The following ANKRD30A variants were observed in gnomAD, a reference collection of about 807,000 sequenced individuals.
ANKRD30A encodes ankyrin repeat domain-containing protein 30A.
In ANKRD30A, 170 loss-of-function variants were observed where a neutral mutation model predicts 166.3. That is an observed-to-expected ratio of 1.02 (90% confidence interval 0.90 to 1.16). The LOEUF (loss-of-function observed/expected upper bound fraction) is 1.16. ANKRD30A is among the 50% of genes most tolerant of loss of function. ANKRD30A has a pLI of 0.00. For missense variants in ANKRD30A, 1,630 were observed against 1,518.0 expected (o/e 1.07, Z -1.23); for synonymous variants, 564 against 508.9 (o/e 1.11, Z -1.46).
intron 31 of ANKRD30A, 150 bp from the exon 32 acceptor site, chr10:37,216,031 C>G: frequency 1.2e-3 from 333 of 273,134 alleles, no homozygotes; most frequent in Middle Eastern, 4.7e-3. Context: ...TTTTTTTTTT[C>G]TGTTTAATCT....
rs71007622 is a variant in ANKRD30A at position 37,127,046 on chromosome 10, C to CAAAAAAA, written c.221+1071_221+1077dup. Reference sequence around the variant, plus strand: ...TAGGTGATAGAGTGAAACTCTGTCTCAAAAAAAAAAAAAAAAAAAAAAAAA... The same window carrying CAAAAAAA: ...TAGGTGATAGAGTGAAACTCTGTCTCAAAAAAAAAAAAAAAAAAAAAAAAAAAAAAAA... On this transcript the variant is annotated intron_variant, in intron 1 of 35. Coordinates refer to ENST00000361713, the MANE Select transcript of ANKRD30A (RefSeq NM_052997.3). Among the ~76,000 whole-genome samples the CAAAAAAA allele has an allele frequency of 6.7e-3, 110 of 16,494 alleles. 17 individuals carry two copies. Among genetic ancestry groups the CAAAAAAA allele is most frequent in the South Asian group, 0.02 (3 of 150 alleles). The allele number at this position is 16,494 out of a possible 152,430, so 10.8% of individuals were successfully genotyped here. A position where few individuals can be genotyped will look rare whatever the true frequency, so the allele number is the denominator to read the frequency against.
At chr10:37,208,086 G>A (rs1842086720) in intron 31 of ANKRD30A, among the ~76,000 whole-genome samples, 2 of 152,056 alleles carry the variant, frequency 1.3e-5, no homozygotes, top group Admixed American at 1.3e-4. Context: ...AAATTCATAC[G>A]AGCTCTTTAT....
chr10:37,255,354 T>C, the ANKRD30A span, among the ~76,000 whole-genome samples: 1 of 152,112 alleles, frequency 6.6e-6, no homozygotes, highest in African/African-American at 2.4e-5. Flanking sequence ...AAGCCCAGAT[T>C]TCACTCCTAC....
chr10:37,158,719 G>GTGAGTATT (rs1838586950), intron 15 of ANKRD30A, 133 bp downstream of exon 15: 1 of 1,343,928 alleles, frequency 7.4e-7, no homozygotes, highest in East Asian at 2.5e-5. Context: ...TAATGCCAAT[G>GTGAGTATT]TGAGTATTTC....
intron 30 of ANKRD30A, among the ~76,000 whole-genome samples, chr10:37,200,492 C>T (rs1841531655): frequency 6.6e-6 from 1 of 152,004 alleles, no homozygotes; most frequent in African/African-American, 2.4e-5. Flanking sequence ...AAGTATCTGA[C>T]CTCTTAGAAA....
At chr10:37,244,683 G>A in the ANKRD30A span, among the ~76,000 whole-genome samples, 2 of 152,160 alleles carry the variant, frequency 1.3e-5, no homozygotes, top group Non-Finnish European at 2.9e-5. Flanking sequence ...GTGCCAAGCT[G>A]CCCTTTTACA....
the ANKRD30A span, among the ~76,000 whole-genome samples, chr10:37,240,344 T>G: frequency 6.6e-6 from 1 of 152,074 alleles, no homozygotes; most frequent in Admixed American, 6.6e-5. Context: ...CTTCTCAAGG[T>G]TATGGTAGTG....
chr10:37,159,553 A>T (rs1003550072), intron 15 of ANKRD30A, among the ~76,000 whole-genome samples: 3 of 152,164 alleles, frequency 2.0e-5, no homozygotes, highest in African/African-American at 7.2e-5. Flanking sequence ...CACAACATGT[A>T]TGTGGTTATA....
At chr10:37,244,369 C>G in the ANKRD30A span, among the ~76,000 whole-genome samples, 1 of 152,276 alleles carries the variant, frequency 6.6e-6, no homozygotes, top group Non-Finnish European at 1.5e-5. Context: ...ATGTACAGAA[C>G]TTTGGGATGT....
intron 31 of ANKRD30A, among the ~76,000 whole-genome samples, chr10:37,202,677 CA>C (rs1841720100): frequency 6.6e-6 from 1 of 151,984 alleles, no homozygotes; most frequent in East Asian, 1.9e-4. Context: ...AAAAATCCTT[CA>C]AAAAATCAAT....
chr10:37,263,030 ATTGT>A, the ANKRD30A span, among the ~76,000 whole-genome samples: 1 of 152,096 alleles, frequency 6.6e-6, no homozygotes, highest in Non-Finnish European at 1.5e-5. Context: ...CAACAAAATT[ATTGT>A]TTATGATTAA....
At chr10:37,220,520 T>G (rs974709570) in intron 34 of ANKRD30A, among the ~76,000 whole-genome samples, 1 of 151,214 alleles carries the variant, frequency 6.6e-6, no homozygotes, top group African/African-American at 2.4e-5. Flanking sequence ...TTATGTATTG[T>G]TATAACCTCA....
chr10:37,232,679 T>C (rs1425101782), downstream of ANKRD30A: 7 of 7,420 alleles, frequency 9.4e-4, no homozygotes, highest in African/African-American at 1.1e-3. Flanking sequence ...TATATATATA[T>C]ATATATATAT....
intron 29 of ANKRD30A, among the ~76,000 whole-genome samples, chr10:37,199,344 C>T (rs1010716519): frequency 6.6e-5 from 10 of 151,700 alleles, no homozygotes; most frequent in East Asian, 5.8e-4. Flanking sequence ...AGTCAATCAA[C>T]GTAAGTAATA....
intron 29 of ANKRD30A, among the ~76,000 whole-genome samples, chr10:37,198,061 G>A (rs558113503): frequency 1.6e-4 from 25 of 152,126 alleles, no homozygotes; most frequent in African/African-American, 6.0e-4. Context: ...GTGAATATTT[G>A]ATAAACACAC....
Position 37,141,705 on chromosome 10 carries a change from G to C in ANKRD30A, c.821-13G>C. 6.2e-7 allele frequency: 1 copy of C among 1,610,758 alleles called. No individual in the cohort carries two copies. Among genetic ancestry groups the C allele is most frequent in the Non-Finnish European group, 8.5e-7 (1 of 1,179,422 alleles). On this transcript the variant is annotated splice_polypyrimidine_tract_variant and intron_variant, in intron 6 of 35. Coordinates refer to ENST00000361713, the MANE Select transcript of ANKRD30A (RefSeq NM_052997.3). ...AGTAGAAGGAAAATTTAACCAGATT[G>C]TGTGTTTGGCAGAAGGAACATCTGC... is the stretch of plus-strand genomic sequence containing the variant.
rs878989327 is a variant in ANKRD30A at position 37,216,187 on chromosome 10, C to T, written c.2876C>T (p.Thr959Ile). 4 of 1,594,830 alleles carry T rather than the reference C, an allele frequency of 2.5e-6. No homozygotes were observed. Among genetic ancestry groups the T allele is most frequent in the East Asian group, 2.2e-5 (1 of 44,576 alleles). Residue 959 changes from threonine to isoleucine, a missense_variant, in exon 32 of 36, where the codon ACT (threonine) becomes ATT (isoleucine). Thr to Ile is a moderately conservative substitution (Grantham distance 89). Coordinates refer to ENST00000361713, the MANE Select transcript of ANKRD30A (RefSeq NM_052997.3). ...DKISGKLEDS[T>I]SLSKILDTVH... is the part of the protein sequence containing the mutation. ...TATCTCCTCCTTGAGACAGATTCAA[C>T]TAGCCTATCAAAAATCTTGGATACA...
At chr10:37,204,366 G>T (rs1370699274) in intron 31 of ANKRD30A, among the ~76,000 whole-genome samples, 1 of 152,170 alleles carries the variant, frequency 6.6e-6, no homozygotes, top group Non-Finnish European at 1.5e-5. Context: ...AAGAAATGGG[G>T]AAAGGATTCC....
At chr10:37,258,713 C>T in the ANKRD30A span, among the ~76,000 whole-genome samples, 4 of 150,330 alleles carry the variant, frequency 2.7e-5, no homozygotes, top group African/African-American at 9.8e-5. Context: ...CCTGGAATCC[C>T]AGCACTTTGG....
Sources: allele counts gnomAD v4.1 joint callset (sites outside exome capture counted in the v4.1 genomes callset), GRCh38; gene constraint gnomAD v4.1.1; transcripts MANE v1.5; gene names NCBI Gene and HGNC (gene_info 2026-07-23, HGNC 2026-07-21).